The following FARP1 variants were observed in gnomAD, a reference collection of about 807,000 sequenced individuals.
FARP1 encodes the protein FERM, ARH/RhoGEF and pleckstrin domain protein 1.
Under a neutral mutation model 128.8 loss-of-function variants are expected in FARP1, and 52 were observed. The ratio of observed to expected loss-of-function variants is 0.40; its 90% CI spans 0.32 to 0.51. FARP1 has a LOEUF of 0.51. Among genes scored for constraint, FARP1 ranks in the 20% least tolerant of loss-of-function variants. FARP1 has a pLI of 0.45. For synonymous variants in FARP1, 580 were observed against 551.8 expected, an observed-to-expected ratio of 1.05 and a Z score of -0.72; for missense variants, 1,333 against 1,367.9, an observed-to-expected ratio of 0.97 and a Z score of 0.40.
Position 98,195,058 on chromosome 13 carries a change from G to A in FARP1, c.-23-18162G>A, listed in dbSNP as rs80275662. Among the ~76,000 whole-genome samples, 109 of 151,508 alleles carry A rather than the reference G, an allele frequency of 7.2e-4. 4 individuals carry two copies. The East Asian group carries it at 0.021, about 30-fold the overall frequency. On this transcript the variant is annotated intron_variant, in intron 1 of 26. Coordinates refer to ENST00000319562, the MANE Select transcript of FARP1 (RefSeq NM_005766.4). ...TGTAGAATCGGGAGTGTTAAATGAT[G>A]CAAATAAGTGCTTCAAGACTGGCCC...
chr13:98,174,062 C>T (rs1330363864), intron 1 of FARP1, among the ~76,000 whole-genome samples: 5 of 152,166 alleles, frequency 3.3e-5, no homozygotes, highest in African/African-American at 7.2e-5. Flanking sequence ...TTATTTCATA[C>T]ATTAATATGA....
At chr13:98,375,580 C>T (rs1328031488) in intron 5 of FARP1, among the ~76,000 whole-genome samples, 1 of 151,910 alleles carries the variant, frequency 6.6e-6, no homozygotes. Flanking sequence ...TCTCCAAGGC[C>T]CTATCTCTCT....
At chr13:98,368,541 C>T (rs558643917) in intron 5 of FARP1, among the ~76,000 whole-genome samples, 11 of 152,252 alleles carry the variant, frequency 7.2e-5, no homozygotes, top group South Asian at 2.1e-4. Context: ...TTGTCTTTGC[C>T]GCTGCCATGG....
Position 98,176,865 on chromosome 13 carries a change from C to A in FARP1, c.-24+33373C>A. 6.2e-7 allele frequency: 1 copy of A among 1,609,330 alleles called. No individual in the cohort carries two copies. Among genetic ancestry groups the A allele is most frequent in the East Asian group, 2.2e-5 (1 of 44,838 alleles). ...GCTGGCTGCACTTGAGGATGGTCGG[C>A]GTATGGTGCTCCTTCTCGGTGTCCT... is the stretch of plus-strand genomic sequence containing the variant. On this transcript the variant is annotated intron_variant, in intron 1 of 26. Coordinates refer to ENST00000319562, the MANE Select transcript of FARP1 (RefSeq NM_005766.4). This position sits in a 1 kb window ranked among gnomAD's most constrained non-coding sequence, Gnocchi z 6.2.
chr13:98,359,061 T>G, intron 3 of FARP1, among the ~76,000 whole-genome samples: 1 of 152,330 alleles, frequency 6.6e-6, no homozygotes, highest in East Asian at 1.9e-4. Context: ...TGACAGGTTG[T>G]TTTTGTCATA....
At chr13:98,228,658 C>T (rs1168706621) in intron 2 of FARP1, among the ~76,000 whole-genome samples, 2 of 152,180 alleles carry the variant, frequency 1.3e-5, no homozygotes, top group African/African-American at 2.4e-5. Flanking sequence ...TCCCCGGTTG[C>T]CAGAGTGTTT....
rs1566836552 is a variant in FARP1 at position 98,287,956 on chromosome 13, C to T, written c.172-55806C>T. 2.6e-5 allele frequency among the ~76,000 whole-genome samples: 4 copies of T among 152,066 alleles called. No homozygotes were observed. The South Asian group carries it at 8.3e-4, about 32-fold the overall frequency. On this transcript the variant is annotated intron_variant, in intron 2 of 26. Transcript: ENST00000319562. ...AGCTGGGACTACGGGCACCCACCAC[C>T]ATGCCCGGCTAATTTTTGTAATTTT... is the stretch of plus-strand genomic sequence containing the variant.
At chr13:98,200,399 T>A (rs868097963) in intron 1 of FARP1, among the ~76,000 whole-genome samples, 8 of 56,762 alleles carry the variant, frequency 1.4e-4, no homozygotes, top group African/African-American at 4.5e-4. Flanking sequence ...CCCCCCCCCC[T>A]CCCCTTTGTG....
At chr13:98,295,432 C>G (rs984660595) in intron 2 of FARP1, among the ~76,000 whole-genome samples, 2 of 152,026 alleles carry the variant, frequency 1.3e-5, no homozygotes, top group Non-Finnish European at 2.9e-5. Flanking sequence ...TGGGGGAATG[C>G]TAGCCATTTA....
chr13:98,424,337 AT>A lies in FARP1; in HGVS notation c.1827-233del, dbSNP rs1298592987. Among the ~76,000 whole-genome samples the A allele has an allele frequency of 7.2e-5, 11 of 152,200 alleles. No individual in the cohort carries two copies. In the East Asian group the frequency reaches 2.1e-3, roughly 29 times the overall value. ...AAAATAATTAAACCAAATTAAAAGG[AT>A]TGGAAATTGGTTCTCTCTTGTCTCT... On this transcript the variant is annotated intron_variant, in intron 16 of 26. Transcript: ENST00000319562.
chr13:98,151,046 C>A (rs142295889), intron 1 of FARP1, among the ~76,000 whole-genome samples: 1,621 of 151,576 alleles, frequency 0.011, 77 homozygotes, highest in Non-Finnish European at 0.016. Context: ...TCTGAATAAA[C>A]AATTCACAGG....
At chr13:98,349,554 G>A (rs367576929) in intron 3 of FARP1, among the ~76,000 whole-genome samples, 6 of 151,382 alleles carry the variant, frequency 4.0e-5, no homozygotes, top group East Asian at 2.0e-4. Context: ...GTCTATATTC[G>A]CAGTTACTTG....
intron 2 of FARP1, among the ~76,000 whole-genome samples, chr13:98,223,635 A>G (rs1881567979): frequency 6.6e-6 from 1 of 152,136 alleles, no homozygotes; most frequent in Non-Finnish European, 1.5e-5. Flanking sequence ...CATAGAAGAC[A>G]TTGCTTTGTT....
At chr13:98,312,017 T>TG (rs1359176449) in intron 2 of FARP1, among the ~76,000 whole-genome samples, 309 of 151,914 alleles carry the variant, frequency 2.0e-3, no homozygotes, top group African/African-American at 7.1e-3. Flanking sequence ...CTAATTTTTG[T>TG]ATTTTTTTAG....
chr13:98,395,999 C>T (rs1890527823), intron 13 of FARP1: 3 of 399,062 alleles, frequency 7.5e-6, no homozygotes, highest in Non-Finnish European at 1.3e-5. Context: ...GACCAGGGTC[C>T]TCCTTATGAA....
At chr13:98,248,613 T>C (rs991732607) in intron 2 of FARP1, among the ~76,000 whole-genome samples, 2 of 152,148 alleles carry the variant, frequency 1.3e-5, no homozygotes, top group Non-Finnish European at 2.9e-5. Flanking sequence ...TCCCTAAAAT[T>C]TGTAGTCCCC....
intron 2 of FARP1, among the ~76,000 whole-genome samples, chr13:98,246,950 G>A (rs1219122749): frequency 2.0e-5 from 3 of 152,236 alleles, no homozygotes; most frequent in Non-Finnish European, 2.9e-5. Flanking sequence ...CCTTGGCGGG[G>A]CACAGTTGCT....
intron 5 of FARP1, among the ~76,000 whole-genome samples, chr13:98,370,581 G>A (rs3783022): frequency 0.4 from 55,409 of 140,016 alleles, 12,154 homozygotes; most frequent in Non-Finnish European, 0.52. Flanking sequence ...TGACTGGGGG[G>A]GAGATGGTGT....
intron 2 of FARP1, among the ~76,000 whole-genome samples, chr13:98,216,297 A>T (rs530411007): frequency 6.6e-6 from 1 of 152,278 alleles, no homozygotes; most frequent in South Asian, 2.1e-4. Flanking sequence ...CCCAGTCATC[A>T]GGGATTGGGA....
Sources: allele counts gnomAD v4.1 joint callset (sites outside exome capture counted in the v4.1 genomes callset), GRCh38; gene constraint gnomAD v4.1.1; non-coding constraint Gnocchi (gnomAD v3.1); transcripts MANE v1.5; gene names NCBI Gene and HGNC (gene_info 2026-07-23, HGNC 2026-07-21).